Variants in FAM168A observed in about 807,000 individuals in gnomAD.
The protein encoded by FAM168A is family with sequence similarity 168 member A.
FAM168A carries 3 observed loss-of-function variants against 28.5 expected under a neutral mutation model. The ratio of observed to expected loss-of-function variants is 0.11; its 90% CI spans 0.05 to 0.27. The LOEUF is 0.27. FAM168A is among the 10% of genes least tolerant of loss of function. The probability of loss-of-function intolerance (pLI) is 1.00; values close to 1 mark genes in which losing one functional copy is unlikely to be tolerated. For synonymous variants in FAM168A, 122 were observed against 124.2 expected (o/e 0.98, Z 0.12); for missense variants, 222 against 311.5 (o/e 0.71, Z 2.16).
At chr11:73,515,009 T>C (rs1471926729) in intron 1 of FAM168A, among the ~76,000 whole-genome samples, 1 of 152,182 alleles carries the variant, frequency 6.6e-6, no homozygotes, top group East Asian at 1.9e-4. Context: ...AAGAGAACAG[T>C]GTCCTTTTAA....
intron 1 of FAM168A, 111 bp downstream of exon 1, chr11:73,597,812 C>T (rs1944454708): frequency 6.6e-6 from 1 of 151,984 alleles, no homozygotes; most frequent in South Asian, 2.1e-4. Context: ...CGACCTCAAC[C>T]CCCTCCCCCC....
At position 73,418,697 on chromosome 11, in the gene FAM168A, C is replaced by T. The variant is rs556906045; in HGVS notation, c.277+1177G>A. On this transcript the variant is annotated intron_variant, in intron 4 of 7. Coordinates refer to ENST00000356467, the MANE Select transcript of FAM168A (RefSeq NM_015159.3). Reference sequence around the variant, plus strand: ...TTGAGGGCTTATCCAGCCCTCACAACTTAAGAGAGAAGTTCTCACCACATC... The same window carrying T: ...TTGAGGGCTTATCCAGCCCTCACAATTTAAGAGAGAAGTTCTCACCACATC... Among the ~76,000 whole-genome samples, 5 of 152,352 alleles carry T rather than the reference C, an allele frequency of 3.3e-5. No individual in the cohort carries two copies. The South Asian group carries it at 1.0e-3, about 32-fold the overall frequency.
At chr11:73,430,309 G>C in intron 3 of FAM168A, 1 of 258,090 alleles carries the variant, frequency 3.9e-6, no homozygotes, top group South Asian at 3.8e-5. Context: ...TGTGTCCCAA[G>C]GGGTGTGTGG....
intron 2 of FAM168A, among the ~76,000 whole-genome samples, chr11:73,463,899 A>T (rs1867690531): frequency 6.6e-6 from 1 of 152,200 alleles, no homozygotes; most frequent in South Asian, 2.1e-4. Flanking sequence ...CTCTTCTTCA[A>T]CCATAGGTGA....
rs552631993 is a variant in FAM168A, at chr11:73,526,010, T to C, written c.-18-57518A>G. ...GGTAGTGTTAACAGGGGTAGTAGTA[T>C]GCTGTTTTTTTGAACAGTTAGCCTA... On this transcript the variant is annotated intron_variant, in intron 1 of 7. Transcript: ENST00000356467. Among the ~76,000 whole-genome samples the C allele has an allele frequency of 3.9e-5, 6 of 152,336 alleles. No homozygotes were observed. In the South Asian group the frequency reaches 1.2e-3, roughly 32 times the overall value.
chr11:73,473,131 G>A (rs980182467), intron 1 of FAM168A, among the ~76,000 whole-genome samples: 2 of 152,100 alleles, frequency 1.3e-5, no homozygotes, highest in Non-Finnish European at 2.9e-5. Flanking sequence ...GTCCCTGTCA[G>A]TCTTATAATA....
intron 1 of FAM168A, among the ~76,000 whole-genome samples, chr11:73,575,373 T>C (rs1335051666): frequency 6.6e-6 from 1 of 152,228 alleles, no homozygotes; most frequent in Non-Finnish European, 1.5e-5. Context: ...TTGAGCCAAC[T>C]GCTGTAATAT....
At chr11:73,459,216 T>C (rs879519388) in intron 2 of FAM168A, among the ~76,000 whole-genome samples, 3 of 152,006 alleles carry the variant, frequency 2.0e-5, no homozygotes, top group Non-Finnish European at 4.4e-5. Flanking sequence ...CCTGAGTAGC[T>C]GGGACAACAG....
intron 1 of FAM168A, among the ~76,000 whole-genome samples, chr11:73,544,157 A>G (rs1478607514): frequency 6.6e-6 from 1 of 152,180 alleles, no homozygotes; most frequent in Non-Finnish European, 1.5e-5. Context: ...AATAGTAACA[A>G]GGTGAGCAAT....
chr11:73,576,624 G>A (rs553110746), intron 1 of FAM168A, among the ~76,000 whole-genome samples: 3 of 152,124 alleles, frequency 2.0e-5, no homozygotes, highest in Non-Finnish European at 4.4e-5. Flanking sequence ...CGGAAATGGG[G>A]AATCAACTGT....
chr11:73,407,527 G>A lies in FAM168A; in HGVS notation c.*4C>T, dbSNP rs1866528252. ...GCCACACTCACTTGGATGGGCTGCA[G>A]GCTTTACCAGTGTGGGGGCACGTAG... On this transcript the variant is annotated 3_prime_UTR_variant, in exon 7 of 8. Coordinates refer to ENST00000356467, the MANE Select transcript of FAM168A (RefSeq NM_015159.3). 1 of 1,577,106 alleles carries A rather than the reference G, an allele frequency of 6.3e-7. No homozygotes were observed.
In FAM168A at chr11:73,462,202, G is replaced by A. The variant is rs546807562; in HGVS notation, c.70+6203C>T. Among the ~76,000 whole-genome samples, 128 of 152,294 alleles carry A rather than the reference G, an allele frequency of 8.4e-4. 1 individual carries two copies. Among genetic ancestry groups the A allele is most frequent in the Non-Finnish European group, 1.5e-3 (105 of 68,034 alleles). On this transcript the variant is annotated intron_variant, in intron 2 of 7. Coordinates refer to ENST00000356467, the MANE Select transcript of FAM168A (RefSeq NM_015159.3). ...CAGCATTATTTACAATAGACCAAAA[G>A]CAGAAGCAACCCAAGTGTCCACATA...
chr11:73,478,621 A>C (rs1867925765), intron 1 of FAM168A, among the ~76,000 whole-genome samples: 1 of 152,238 alleles, frequency 6.6e-6, no homozygotes, highest in African/African-American at 2.4e-5. Context: ...TACCTCAATA[A>C]AGCTACTAAA....
intron 1 of FAM168A, among the ~76,000 whole-genome samples, chr11:73,479,490 GA>G (rs1867938919): frequency 1.3e-5 from 2 of 152,110 alleles, no homozygotes; most frequent in Non-Finnish European, 2.9e-5. Flanking sequence ...AAAACATTCA[GA>G]AAATATCAAG....
chr11:73,590,732 C>G (rs1944371021), intron 1 of FAM168A, among the ~76,000 whole-genome samples: 1 of 152,148 alleles, frequency 6.6e-6, no homozygotes, highest in Non-Finnish European at 1.5e-5. Flanking sequence ...CTTATGCTCA[C>G]CTACAGAAGT....
chr11:73,482,347 G>C (rs1867979474), intron 1 of FAM168A, among the ~76,000 whole-genome samples: 1 of 151,620 alleles, frequency 6.6e-6, no homozygotes, highest in Admixed American at 6.6e-5. Flanking sequence ...AAATCATCTT[G>C]ATACTCTTCT....
chr11:73,544,680 A>G (rs1250493921), intron 1 of FAM168A, among the ~76,000 whole-genome samples: 1 of 125,912 alleles, frequency 7.9e-6, no homozygotes, highest in Non-Finnish European at 1.6e-5. Context: ...ATAATTATAT[A>G]TAATTATATA....
At chr11:73,502,125 C>G (rs944791184) in intron 1 of FAM168A, among the ~76,000 whole-genome samples, 4 of 141,838 alleles carry the variant, frequency 2.8e-5, no homozygotes, top group Non-Finnish European at 4.6e-5. Context: ...AAAAGGCTAG[C>G]AGAAGACAAG....
intron 1 of FAM168A, among the ~76,000 whole-genome samples, chr11:73,590,283 G>A (rs1418223769): frequency 6.6e-6 from 1 of 152,116 alleles, no homozygotes. Flanking sequence ...CATGCCTGTA[G>A]TCCCAGCTAC....
Sources: gnomAD v4.1 joint callset for allele counts (sites outside exome capture counted in the v4.1 genomes callset) on GRCh38, gnomAD v4.1.1 for gene constraint, MANE v1.5 for transcripts, NCBI Gene and HGNC (gene_info 2026-07-23, HGNC 2026-07-21) for gene names.